The following LTBP1 variants were observed in gnomAD, a reference collection of about 807,000 sequenced individuals.
LTBP1 encodes the protein latent-transforming growth factor beta-binding protein 1.
LTBP1 carries 129 observed loss-of-function variants against 207.6 expected under a neutral mutation model. The ratio of observed to expected loss-of-function variants is 0.62; its 90% CI spans 0.54 to 0.72. LTBP1 has a LOEUF of 0.72. Among genes scored for constraint, LTBP1 ranks in the 30% least tolerant of loss-of-function variants. The pLI, the probability that LTBP1 is intolerant of heterozygous loss-of-function variation, is 0.00. For missense variants in LTBP1, 2,281 were observed against 2,217.2 expected (o/e 1.03, Z -0.58); for synonymous variants, 963 against 833.7 (o/e 1.16, Z -2.67).
chr2:33,277,826 TTTC>T (rs1357647794), intron 18 of LTBP1, among the ~76,000 whole-genome samples: 26 of 103,286 alleles, frequency 2.5e-4, no homozygotes, highest in Admixed American at 7.1e-4. Flanking sequence ...TCTTTCTTTC[TTTC>T]TTTTTTTTTT....
chr2:33,133,106 T>C (rs546007893), intron 4 of LTBP1, among the ~76,000 whole-genome samples: 8 of 152,258 alleles, frequency 5.3e-5, no homozygotes, highest in African/African-American at 1.7e-4. Context: ...AAACAGTGGA[T>C]GAGAGATGGT....
chr2:33,056,340 C>T (rs2076999189), intron 3 of LTBP1: 2 of 1,225,446 alleles, frequency 1.6e-6, no homozygotes, highest in Non-Finnish European at 2.1e-6. Flanking sequence ...CATTTATTTG[C>T]TTTTGGCTTT....
chr2:32,978,873 C>T (rs536401211), intron 2 of LTBP1, among the ~76,000 whole-genome samples: 125 of 151,630 alleles, frequency 8.2e-4, no homozygotes, highest in Non-Finnish European at 1.3e-3. Context: ...TTTATTACAG[C>T]GTTGATATCA....
chr2:32,977,447 G>A (rs567509856), intron 2 of LTBP1, among the ~76,000 whole-genome samples: 1 of 152,316 alleles, frequency 6.6e-6, no homozygotes, highest in South Asian at 2.1e-4. Context: ...TCAAGGGCGG[G>A]GTGAGGGCGG....
intron 7 of LTBP1, among the ~76,000 whole-genome samples, chr2:33,202,198 C>CT (rs530975119): frequency 6.6e-6 from 1 of 151,920 alleles, no homozygotes; most frequent in Non-Finnish European, 1.5e-5. Context: ...GCTGAAATTA[C>CT]TTTTTTTTAA....
At chr2:33,170,282 A>G (rs907902250) in intron 5 of LTBP1, among the ~76,000 whole-genome samples, 1 of 152,202 alleles carries the variant, frequency 6.6e-6, no homozygotes, top group Non-Finnish European at 1.5e-5. Flanking sequence ...GCACCTGGAA[A>G]ATCGGGTCAC....
intron 7 of LTBP1, among the ~76,000 whole-genome samples, chr2:33,200,207 G>C (rs866288513): frequency 2.6e-5 from 4 of 152,090 alleles, no homozygotes; most frequent in Admixed American, 2.0e-4. Flanking sequence ...GAGGCATCAC[G>C]CTACCTGACT....
At chr2:33,240,721 G>T (rs924205661) in intron 9 of LTBP1, among the ~76,000 whole-genome samples, 3 of 148,362 alleles carry the variant, frequency 2.0e-5, no homozygotes, top group Non-Finnish European at 4.4e-5. Flanking sequence ...CGCGATCTCG[G>T]CTCACTCCAA....
intron 10 of LTBP1, among the ~76,000 whole-genome samples, chr2:33,245,512 G>A (rs1248001231): frequency 6.6e-6 from 1 of 152,144 alleles, no homozygotes; most frequent in African/African-American, 2.4e-5. Flanking sequence ...CCTCTTTTCT[G>A]TGTTCTTTTA....
chr2:33,082,446 T>A (rs1454912422), intron 3 of LTBP1, among the ~76,000 whole-genome samples: 6 of 132,686 alleles, frequency 4.5e-5, no homozygotes, highest in East Asian at 2.2e-4. Flanking sequence ...TTTTTTTTTT[T>A]TTTTTTTTTT....
At chr2:33,325,494 T>TAC (rs1472166286) in intron 24 of LTBP1, among the ~76,000 whole-genome samples, 4 of 152,222 alleles carry the variant, frequency 2.6e-5, no homozygotes, top group Admixed American at 6.5e-5. Flanking sequence ...AGAGAAAGCG[T>TAC]ACAGCATGGA....
At chr2:33,274,642 C>T (rs62148882) in intron 16 of LTBP1, among the ~76,000 whole-genome samples, 55,349 of 152,064 alleles carry the variant, frequency 0.36, 10,982 homozygotes, top group Non-Finnish European at 0.42. Context: ...TTCTGACTCC[C>T]TACTGACAGC....
chr2:33,121,002 G>A (rs2081075586), intron 4 of LTBP1, among the ~76,000 whole-genome samples: 2 of 152,048 alleles, frequency 1.3e-5, no homozygotes, highest in Non-Finnish European at 2.9e-5. Flanking sequence ...ATCTCTCCCT[G>A]AGTAAATATA....
intron 31 of LTBP1, among the ~76,000 whole-genome samples, chr2:33,383,403 G>A (rs2095238107): frequency 6.6e-6 from 1 of 152,180 alleles, no homozygotes; most frequent in South Asian, 2.1e-4. Flanking sequence ...GTCACTGGAG[G>A]AGACAGTCAT....
intron 5 of LTBP1, among the ~76,000 whole-genome samples, chr2:33,158,148 CA>C (rs59789805): frequency 0.17 from 18,808 of 113,488 alleles, 1,053 homozygotes; most frequent in East Asian, 0.26. Context: ...AAAAAAAAAA[CA>C]AAAAAAAAAA....
rs538009352 is a variant in LTBP1 at position 33,289,285 on chromosome 2, T to C, written c.3113-3875T>C. Among the ~76,000 whole-genome samples, 290 of 152,372 alleles carry C rather than the reference T, an allele frequency of 1.9e-3. 1 individual carries two copies. Among genetic ancestry groups the C allele is most frequent in the Non-Finnish European group, 3.5e-3 (240 of 68,034 alleles). On this transcript the variant is annotated intron_variant, in intron 19 of 33. Coordinates refer to ENST00000404816, the MANE Select transcript of LTBP1 (RefSeq NM_206943.4). ...TACCCTGGGAGGTTTAATTAATTCA[T>C]TGAGTGGCAAATGCCAAATTGTTAT...
At chr2:33,108,824 T>G (rs2080223555) in intron 3 of LTBP1, among the ~76,000 whole-genome samples, 1 of 152,206 alleles carries the variant, frequency 6.6e-6, no homozygotes, top group East Asian at 1.9e-4. Context: ...TTCTTATCAG[T>G]CACTACCAGA....
chr2:32,994,009 TTGG>T (rs1572984010), intron 2 of LTBP1, among the ~76,000 whole-genome samples: 8 of 143,904 alleles, frequency 5.6e-5, no homozygotes, highest in East Asian at 2.2e-4. Flanking sequence ...TGTGTGTGTG[TTGG>T]GGGTTATTCA....
intron 3 of LTBP1, among the ~76,000 whole-genome samples, chr2:33,032,971 T>C (rs534976550): frequency 3.3e-5 from 5 of 152,182 alleles, no homozygotes; most frequent in Non-Finnish European, 7.4e-5. Context: ...AAAACAAGGA[T>C]TTGATCAAGC....
Sources: gnomAD v4.1 joint callset for allele counts (sites outside exome capture counted in the v4.1 genomes callset) on GRCh38, gnomAD v4.1.1 for gene constraint, MANE v1.5 for transcripts, NCBI Gene and HGNC (gene_info 2026-07-23, HGNC 2026-07-21) for gene names.